PPP3CC: variants seen among roughly 807,000 people sequenced by gnomAD.
The protein encoded by PPP3CC is protein phosphatase 3 catalytic subunit gamma.
PPP3CC carries 35 observed loss-of-function variants against 60.3 expected under a neutral mutation model. The observed-to-expected ratio is 0.58, with a 90% CI of 0.44 to 0.77. The LOEUF is 0.77. Ranked by LOEUF, PPP3CC falls within the 30% of genes least tolerant of loss-of-function variation. The probability of loss-of-function intolerance (pLI) is 0.00; values close to 1 mark genes in which losing one functional copy is unlikely to be tolerated. For missense variants in PPP3CC, 570 were observed against 628.9 expected (o/e 0.91, Z 1.00); for synonymous variants, 206 against 224.3 (o/e 0.92, Z 0.73).
chr8:22,531,328 G>C, intron 10 of PPP3CC: 2 of 1,530,584 alleles, frequency 1.3e-6, no homozygotes, highest in Non-Finnish European at 1.8e-6. Flanking sequence ...CTATCAGAAA[G>C]GTATCCGACT....
At chr8:22,485,415 T>C (rs1381426587) in intron 3 of PPP3CC, among the ~76,000 whole-genome samples, 2 of 152,114 alleles carry the variant, frequency 1.3e-5, no homozygotes, top group African/African-American at 2.4e-5. Flanking sequence ...TCTTCCTTAA[T>C]AGGAGATCCC....
chr8:22,530,313 GATGT>G (rs1839670445), intron 10 of PPP3CC, among the ~76,000 whole-genome samples: 1 of 151,846 alleles, frequency 6.6e-6, no homozygotes, highest in Non-Finnish European at 1.5e-5. Flanking sequence ...AAATCAACCA[GATGT>G]GATGGCGAGT....
chr8:22,508,129 G>A (rs986511317), intron 4 of PPP3CC, among the ~76,000 whole-genome samples: 2 of 152,024 alleles, frequency 1.3e-5, no homozygotes, highest in African/African-American at 4.8e-5. Flanking sequence ...GGTGGTGTGC[G>A]CTTGTAGTCC....
intron 12 of PPP3CC, among the ~76,000 whole-genome samples, chr8:22,534,439 G>A (rs565647467): frequency 4.8e-4 from 73 of 151,334 alleles, no homozygotes; most frequent in Non-Finnish European, 8.3e-4. Context: ...AAAAAAAAGA[G>A]TCTGACAATA....
chr8:22,480,547 C>T (rs1838031327), intron 3 of PPP3CC, among the ~76,000 whole-genome samples: 1 of 152,166 alleles, frequency 6.6e-6, no homozygotes, highest in South Asian at 2.1e-4. Context: ...GGTGCAATCT[C>T]AGCTCACTGC....
chr8:22,469,182 T>TA (rs1354919811), intron 1 of PPP3CC, among the ~76,000 whole-genome samples: 5 of 151,924 alleles, frequency 3.3e-5, no homozygotes, highest in Admixed American at 2.6e-4. Context: ...TAATGTCACT[T>TA]ACAGCAACAT....
intron 4 of PPP3CC, among the ~76,000 whole-genome samples, chr8:22,500,584 T>C (rs1337170141): frequency 2.0e-5 from 3 of 152,226 alleles, no homozygotes; most frequent in African/African-American, 7.2e-5. Context: ...TTATAGTGTT[T>C]CATATGCTCA....
intron 4 of PPP3CC, among the ~76,000 whole-genome samples, chr8:22,506,554 A>G (rs1452512419): frequency 6.6e-6 from 1 of 152,232 alleles, no homozygotes; most frequent in East Asian, 1.9e-4. Context: ...TGCATAGAAC[A>G]TCTTTGTAAA....
In PPP3CC at chr8:22,471,951, AC is replaced by A. The variant is rs200212908; in HGVS notation, c.50-2999del. On this transcript the variant is annotated intron_variant, in intron 1 of 13. Transcript: ENST00000240139. ...AGACCAGTCTGGGGAGCGTGGCAAA[AC>A]CCCATCTCTACAAAAAATACAAAAA... 4.4e-3 allele frequency among the ~76,000 whole-genome samples: 665 copies of A among 151,886 alleles called. 6 individuals carry two copies. The highest frequency in any genetic ancestry group is 0.016 in the African/African-American group (643 of 41,388).
chr8:22,449,855 AT>A (rs1195782819), intron 1 of PPP3CC, among the ~76,000 whole-genome samples: 6 of 146,072 alleles, frequency 4.1e-5, no homozygotes, highest in Admixed American at 4.1e-4. Flanking sequence ...GATGACTGTT[AT>A]TTTTTTCTTT....
chr8:22,470,578 C>T (rs1402650895), intron 1 of PPP3CC, among the ~76,000 whole-genome samples: 3 of 152,126 alleles, frequency 2.0e-5, no homozygotes, highest in East Asian at 1.9e-4. Context: ...AGAAAAGATA[C>T]TAAATGTTTT....
At chr8:22,532,896 C>T (rs774332400) in intron 11 of PPP3CC, 25 bp from the exon 12 acceptor site, 4 of 1,507,920 alleles carry the variant, frequency 2.7e-6, no homozygotes, top group Non-Finnish European at 9.0e-7. Flanking sequence ...CGGGCATTAA[C>T]CCAGGGTTTG....
intron 3 of PPP3CC, among the ~76,000 whole-genome samples, chr8:22,490,378 T>G (rs374769300): frequency 1.1e-3 from 167 of 152,304 alleles, no homozygotes; most frequent in African/African-American, 3.8e-3. Flanking sequence ...GAGATGAATG[T>G]GACCATACTT....
Position 22,447,204 on chromosome 8 carries a change from G to A in PPP3CC, c.49+5746G>A, listed in dbSNP as rs1330077703. On this transcript the variant is annotated intron_variant, in intron 1 of 13. Transcript: ENST00000240139. ...TTTTTTTTTTTTTTTTTTTGTGACAGAGTCTCGCTCTGTCGTCCAGGCTGG... is the reference window on the plus strand; with the variant it reads ...TTTTTTTTTTTTTTTTTTTGTGACAAAGTCTCGCTCTGTCGTCCAGGCTGG... Among the ~76,000 whole-genome samples, 96 of 104,970 alleles carry A rather than the reference G, an allele frequency of 9.1e-4. 2 individuals are homozygous for A. The highest frequency in any genetic ancestry group is 1.9e-3 in the Admixed American group (17 of 9,072). The allele number at this position is 104,970 out of a possible 152,430, so 68.9% of individuals were successfully genotyped here. A position where few individuals can be genotyped will look rare whatever the true frequency, so the allele number is the denominator to read the frequency against.
chr8:22,541,007 G>T lies in PPP3CC; in HGVS notation c.*205G>T. The T allele has an allele frequency of 2.6e-6, 1 of 383,726 alleles. No individual in the cohort carries two copies. Among genetic ancestry groups the T allele is most frequent in the Non-Finnish European group, 4.4e-6 (1 of 225,534 alleles). The allele number at this position is 383,726 out of a possible 1,614,324, so 23.8% of individuals were successfully genotyped here. A position where few individuals can be genotyped will look rare whatever the true frequency, so the allele number is the denominator to read the frequency against. On this transcript the variant is annotated 3_prime_UTR_variant, in exon 14 of 14. Coordinates refer to ENST00000240139, the MANE Select transcript of PPP3CC (RefSeq NM_005605.5). Reference sequence around the variant, plus strand: ...TATATATAAAAAGTGCATCTGTTTTGTTTTTCCCTTTTTTCTCCATAATTT... The same window carrying T: ...TATATATAAAAAGTGCATCTGTTTTTTTTTTCCCTTTTTTCTCCATAATTT...
At chr8:22,496,863 A>G (rs1838603748) in intron 3 of PPP3CC, among the ~76,000 whole-genome samples, 1 of 151,930 alleles carries the variant, frequency 6.6e-6, no homozygotes, top group Non-Finnish European at 1.5e-5. Context: ...CCATTATTTC[A>G]TGTCTACTTT....
rs1054807486 is a variant in PPP3CC, at chr8:22,472,954, C to T, written c.50-2000C>T. Among the ~76,000 whole-genome samples, 4 of 152,102 alleles carry T rather than the reference C, an allele frequency of 2.6e-5. No individual in the cohort carries two copies. In the South Asian group the frequency reaches 8.3e-4, roughly 32 times the overall value. Reference sequence around the variant, plus strand: ...GGAGTTTTTCAGCTCCATTTAACTACAGTCCATTGTTGACCAAAACATCAT... The same window carrying T: ...GGAGTTTTTCAGCTCCATTTAACTATAGTCCATTGTTGACCAAAACATCAT... On this transcript the variant is annotated intron_variant, in intron 1 of 13. Coordinates refer to ENST00000240139, the MANE Select transcript of PPP3CC (RefSeq NM_005605.5).
intron 3 of PPP3CC, among the ~76,000 whole-genome samples, chr8:22,496,618 C>T (rs1838595462): frequency 6.7e-6 from 1 of 150,286 alleles, no homozygotes; most frequent in African/African-American, 2.5e-5. Flanking sequence ...TTGCCTCAGC[C>T]TCCCAGGCAG....
chr8:22,482,451 T>C (rs1365241122), intron 3 of PPP3CC, among the ~76,000 whole-genome samples: 1 of 152,212 alleles, frequency 6.6e-6, no homozygotes, highest in East Asian at 1.9e-4. Context: ...GTCAGATGGA[T>C]AGATTGCAAA....
Sources: allele counts gnomAD v4.1 joint callset (sites outside exome capture counted in the v4.1 genomes callset), GRCh38; gene constraint gnomAD v4.1.1; transcripts MANE v1.5; gene names NCBI Gene and HGNC (gene_info 2026-07-23, HGNC 2026-07-21).